Variants in CMTM5 observed in about 807,000 individuals in gnomAD.
CMTM5 encodes the protein CKLF-like MARVEL transmembrane domain-containing protein 5.
A neutral mutation model predicts 26.9 loss-of-function variants in CMTM5; 25 were observed. The observed-to-expected ratio is 0.93, with a 90% CI of 0.68 to 1.30. The LOEUF (loss-of-function observed/expected upper bound fraction) is 1.30. Ranked by LOEUF, CMTM5 falls within the 50% of genes most tolerant of loss-of-function variation. CMTM5 has a pLI of 0.00. For missense variants in CMTM5, 292 were observed against 289.6 expected, an observed-to-expected ratio of 1.01 and a Z score of -0.06; for synonymous variants, 98 against 115.5, an observed-to-expected ratio of 0.85 and a Z score of 0.97.
chr14:23,378,526 A>C lies in CMTM5; in HGVS notation c.279+25A>C, dbSNP rs1368606702. The C allele has an allele frequency of 8.7e-6, 14 of 1,613,796 alleles. No individual in the cohort carries two copies. Among genetic ancestry groups the C allele is most frequent in the Non-Finnish European group, 1.2e-5 (14 of 1,179,830 alleles). ...GGTGAGGAACCCTGACCCCTAGCCC[A>C]GTTTGGGGCCCTTCCCTCTCCTCTA... On this transcript the variant is annotated intron_variant, in intron 2 of 5. Coordinates refer to ENST00000339180, the MANE Select transcript of CMTM5 (RefSeq NM_001288746.2). The surrounding 1 kb of genome is among the most constrained non-coding windows in gnomAD (Gnocchi z 4.2).
At position 23,379,127 on chromosome 14, in the gene CMTM5, A is replaced by G; in HGVS notation, c.573+4A>G. ...CGGAGCTGCCATTGCTGCTTTTGTG[A>G]GTTCAGCCCTGCAGGACTCCTTAGC... is the stretch of plus-strand genomic sequence containing the variant. On this transcript the variant is annotated splice_donor_region_variant and intron_variant, in intron 4 of 5. Transcript: ENST00000339180. 1 of 1,613,462 alleles carries G rather than the reference A, an allele frequency of 6.2e-7. No individual in the cohort carries two copies.
rs373650585 is a variant in CMTM5, at chr14:23,379,138, G to A, written c.573+15G>A. 4.3e-6 allele frequency: 7 copies of A among 1,612,624 alleles called. No homozygotes were observed. The highest frequency in any genetic ancestry group is 5.1e-6 in the Non-Finnish European group (6 of 1,179,182). On this transcript the variant is annotated intron_variant, in intron 4 of 5. Coordinates refer to ENST00000339180, the MANE Select transcript of CMTM5 (RefSeq NM_001288746.2). ...TTGCTGCTTTTGTGAGTTCAGCCCTGCAGGACTCCTTAGCCCCTCAAGAGC... is the reference window on the plus strand; with the variant it reads ...TTGCTGCTTTTGTGAGTTCAGCCCTACAGGACTCCTTAGCCCCTCAAGAGC...
chr14:23,378,014 A>C lies in CMTM5; in HGVS notation c.127-335A>C. On this transcript the variant is annotated intron_variant, in intron 1 of 5. Coordinates refer to ENST00000339180, the MANE Select transcript of CMTM5 (RefSeq NM_001288746.2). This position sits in a 1 kb window ranked among gnomAD's most constrained non-coding sequence, Gnocchi z 4.2. ...AGGGGGCTCCTCTTGGTCCCTGTGG[A>C]GTCGGGTCTCTGTGGGCACAACTCC... is the stretch of plus-strand genomic sequence containing the variant. 1 of 291,866 alleles carries C rather than the reference A, an allele frequency of 3.4e-6. No homozygotes were observed. Among genetic ancestry groups the C allele is most frequent in the Non-Finnish European group, 6.3e-6 (1 of 157,606 alleles). The allele number at this position is 291,866 out of a possible 1,614,324, so 18.1% of individuals were successfully genotyped here.
At position 23,377,280 on chromosome 14, in the gene CMTM5, G is replaced by T. The variant is rs1357040521; in HGVS notation, c.29G>T (p.Arg10Leu). The change falls in exon 1 of 6, where the codon CGG becomes CTG. Residue 10 changes from arginine (R) to leucine (L), a missense_variant. By Grantham distance (102) the Arg-to-Leu change is moderately radical (BLOSUM62 -2). Coordinates refer to ENST00000339180, the MANE Select transcript of CMTM5 (RefSeq NM_001288746.2). This position sits in a 1 kb window ranked among gnomAD's most constrained non-coding sequence, Gnocchi z 4.6. MLSARDRRD[R>L]HPEEGVVAEL... ...CTCAGTGCTCGAGATCGCCGGGACCGGCACCCTGAGGAGGGGGTAGTTGCA... is the reference window on the plus strand; with the variant it reads ...CTCAGTGCTCGAGATCGCCGGGACCTGCACCCTGAGGAGGGGGTAGTTGCA... 1 of 1,612,210 alleles carries T rather than the reference G, an allele frequency of 6.2e-7. No homozygotes were observed. The highest frequency in any genetic ancestry group is 1.7e-5 in the Admixed American group (1 of 59,890).
At chr14:23,379,424 C>T (rs1167952634) in intron 5 of CMTM5, 41 bp downstream of exon 5, 1 of 1,614,008 alleles carries the variant, frequency 6.2e-7, no homozygotes, top group African/African-American at 1.3e-5. Flanking sequence ...GCCCTCCCCA[C>T]CCTAGCTACC....
In CMTM5 at chr14:23,378,690, G is replaced by A; in HGVS notation, c.301G>A (p.Gly101Arg). The change falls in exon 3 of 6, where the codon GGA (glycine) becomes AGA (arginine). Residue 101 changes from glycine (G) to arginine (R), a missense_variant. Transcript: ENST00000339180. The surrounding 1 kb of genome is among the most constrained non-coding windows in gnomAD (Gnocchi z 4.2). ...PCLLQGHGQS[G>R]GPHPLDLLSH... ...ACAGCTGCAGGGCCACGGGCAATCA[G>A]GAGGACCACATCCGCTAGATCTACT... 2 of 1,612,946 alleles carry A rather than the reference G, an allele frequency of 1.2e-6. No homozygotes were observed. Among genetic ancestry groups the A allele is most frequent in the Non-Finnish European group, 1.7e-6 (2 of 1,179,840 alleles).
Position 23,379,672 on chromosome 14 carries a change from T to A in CMTM5, c.*185T>A. ...TGGTGCTCCAGGATGTGGCTTCTCA[T>A]GAAGCTCTGGCCAGAGGAGGGGAAC... On this transcript the variant is annotated 3_prime_UTR_variant, in exon 6 of 6. Transcript: ENST00000339180. 3.5e-6 allele frequency: 5 copies of A among 1,418,436 alleles called. No homozygotes were observed. The highest frequency in any genetic ancestry group is 2.6e-5 in the East Asian group (1 of 38,238). The allele number at this position is 1,418,436 out of a possible 1,614,324, so 87.9% of individuals were successfully genotyped here.
upstream of CMTM5, chr14:23,376,867 C>A: frequency 4.8e-6 from 1 of 210,006 alleles, no homozygotes; most frequent in Admixed American, 5.5e-5. Context: ...CCCAGTCCTG[C>A]CCCTGTTCCT....
chr14:23,378,676 G>C lies in CMTM5; in HGVS notation c.287G>C (p.Gly96Ala), dbSNP rs759842800. Residue 96 changes from glycine to alanine, a missense_variant, in exon 3 of 6, where the codon GGC becomes GCC. By Grantham distance (60) the Gly-to-Ala change is moderately conservative (BLOSUM62 0). Coordinates refer to ENST00000339180, the MANE Select transcript of CMTM5 (RefSeq NM_001288746.2). This position sits in a 1 kb window ranked among gnomAD's most constrained non-coding sequence, Gnocchi z 4.2. ...DRINWPCLLQ[G>A]HGQSGGPHPL... Reference sequence around the variant, plus strand: ...CTCACACTGATTTCACAGCTGCAGGGCCACGGGCAATCAGGAGGACCACAT... The same window carrying C: ...CTCACACTGATTTCACAGCTGCAGGCCCACGGGCAATCAGGAGGACCACAT... The C allele has an allele frequency of 6.2e-7, 1 of 1,613,122 alleles. No individual in the cohort carries two copies. Among genetic ancestry groups the C allele is most frequent in the Non-Finnish European group, 8.5e-7 (1 of 1,179,846 alleles).
Position 23,378,975 on chromosome 14 carries a change from AG to A in CMTM5, c.481-53del. On this transcript the variant is annotated intron_variant, in intron 3 of 5. Coordinates refer to ENST00000339180, the MANE Select transcript of CMTM5 (RefSeq NM_001288746.2). This position sits in a 1 kb window ranked among gnomAD's most constrained non-coding sequence, Gnocchi z 4.2. ...GCTGCTGGCTAGCCTGGAAAACTTC[AG>A]GGTAACGCCCCCTGCCTTCTGAGGT... is the stretch of plus-strand genomic sequence containing the variant. 6.2e-7 allele frequency: 1 copy of A among 1,609,352 alleles called. No homozygotes were observed. Among genetic ancestry groups the A allele is most frequent in the South Asian group, 1.1e-5 (1 of 90,764 alleles).
chr14:23,378,291 AG>A lies in CMTM5; in HGVS notation c.127-57del. On this transcript the variant is annotated intron_variant, in intron 1 of 5. Transcript: ENST00000339180. The surrounding 1 kb of genome is among the most constrained non-coding windows in gnomAD (Gnocchi z 4.2). ...GGAGCTTCCAAGGAGGGGAAGGCAA[AG>A]CCCTGGCCCCTGCCTGTGTCCCCTT... The A allele has an allele frequency of 6.3e-7, 1 of 1,587,748 alleles. No individual in the cohort carries two copies. Among genetic ancestry groups the A allele is most frequent in the East Asian group, 2.2e-5 (1 of 44,704 alleles).
In CMTM5 at chr14:23,378,164, C is replaced by T. The variant is rs1478640176; in HGVS notation, c.127-185C>T. 3 of 663,932 alleles carry T rather than the reference C, an allele frequency of 4.5e-6. No homozygotes were observed. Among genetic ancestry groups the T allele is most frequent in the Non-Finnish European group, 7.6e-6 (3 of 396,342 alleles). The allele number at this position is 663,932 out of a possible 1,614,324, so 41.1% of individuals were successfully genotyped here. On this transcript the variant is annotated intron_variant, in intron 1 of 5. Coordinates refer to ENST00000339180, the MANE Select transcript of CMTM5 (RefSeq NM_001288746.2). The surrounding 1 kb of genome is among the most constrained non-coding windows in gnomAD (Gnocchi z 4.2). ...GTGGGAGGCCGGAGACTGCCCTTGACCGGCAAATGCCCTGCAACGGTGGCT... is the reference window on the plus strand; with the variant it reads ...GTGGGAGGCCGGAGACTGCCCTTGATCGGCAAATGCCCTGCAACGGTGGCT...
chr14:23,379,097 C>G lies in CMTM5; in HGVS notation c.547C>G (p.Arg183Gly). 1 of 1,613,970 alleles carries G rather than the reference C, an allele frequency of 6.2e-7. No homozygotes were observed. The highest frequency in any genetic ancestry group is 8.5e-7 in the Non-Finnish European group (1 of 1,179,942). The change falls in exon 4 of 6, where the codon CGG becomes GGG. Residue 183 changes from arginine (R) to glycine (G), a missense_variant. Physicochemically the swap from Arg to Gly is moderately radical, Grantham distance 125 (BLOSUM62 -2). Transcript: ENST00000339180. Reference protein sequence around the residue: ...LVVSFAAVTSRDGAAIAAFVF... With the variant: ...LVVSFAAVTSGDGAAIAAFVF... ...GGTCTCCTTTGCAGCTGTGACCTCC[C>G]GGGACGGAGCTGCCATTGCTGCTTT... is the stretch of plus-strand genomic sequence containing the variant.
In CMTM5 at chr14:23,379,645, C is replaced by A. The variant is rs1566501898; in HGVS notation, c.*158C>A. 10 of 1,477,358 alleles carry A rather than the reference C, an allele frequency of 6.8e-6. No individual in the cohort carries two copies. Among genetic ancestry groups the A allele is most frequent in the East Asian group, 5.0e-5 (2 of 39,972 alleles). The allele number at this position is 1,477,358 out of a possible 1,614,324, so 91.5% of individuals were successfully genotyped here. On this transcript the variant is annotated 3_prime_UTR_variant, in exon 6 of 6. Coordinates refer to ENST00000339180, the MANE Select transcript of CMTM5 (RefSeq NM_001288746.2). The stretch of plus-strand genomic sequence containing the variant: ...CGTCACTGGGGACTTATCTGTGGAG[C>A]CTGGTGCTCCAGGATGTGGCTTCTC...
Position 23,379,744 on chromosome 14 carries a change from C to A in CMTM5, c.*257C>A. 2.3e-6 allele frequency: 2 copies of A among 851,380 alleles called. No individual in the cohort carries two copies. The highest frequency in any genetic ancestry group is 2.7e-5 in the East Asian group (1 of 36,808). The allele number at this position is 851,380 out of a possible 1,614,324, so 52.7% of individuals were successfully genotyped here. A position where few individuals can be genotyped will look rare whatever the true frequency, so the allele number is the denominator to read the frequency against. On this transcript the variant is annotated 3_prime_UTR_variant, in exon 6 of 6. Transcript: ENST00000339180. Reference sequence around the variant, plus strand: ...AGGGGAGGAATCTGGACCTCTAAGTCATTCCCAAATTAAAATATTCAAATT... The same window carrying A: ...AGGGGAGGAATCTGGACCTCTAAGTAATTCCCAAATTAAAATATTCAAATT...
In CMTM5 at chr14:23,377,246, A is replaced by C; in HGVS notation, c.-6A>C. 1 of 1,611,636 alleles carries C rather than the reference A, an allele frequency of 6.2e-7. No homozygotes were observed. Among genetic ancestry groups the C allele is most frequent in the Non-Finnish European group, 8.5e-7 (1 of 1,179,284 alleles). ...GTAGGGGGCTGTGTTGGTGGGCCCT[A>C]CGAAGATGCTCAGTGCTCGAGATCG... On this transcript the variant is annotated 5_prime_UTR_variant, in exon 1 of 6. Coordinates refer to ENST00000339180, the MANE Select transcript of CMTM5 (RefSeq NM_001288746.2). The surrounding 1 kb of genome is among the most constrained non-coding windows in gnomAD (Gnocchi z 4.6).
In CMTM5 at chr14:23,378,637, A is replaced by G. The variant is rs748513060; in HGVS notation, c.280-32A>G. On this transcript the variant is annotated intron_variant, in intron 2 of 5. Coordinates refer to ENST00000339180, the MANE Select transcript of CMTM5 (RefSeq NM_001288746.2). The surrounding 1 kb of genome is among the most constrained non-coding windows in gnomAD (Gnocchi z 4.2). ...TGTCCCATGCTATGCCCTGCACTCA[A>G]AGGTGTGCTTTGACTCACACTGATT... 34 of 1,612,246 alleles carry G rather than the reference A, an allele frequency of 2.1e-5. No individual in the cohort carries two copies. The Admixed American group carries it at 5.2e-4, about 25-fold the overall frequency.
rs749612350 is a variant in CMTM5, at chr14:23,378,766, C to T, written c.377C>T (p.Pro126Leu). ...QPQPWPGLTP[P>L]GWHTPAAVPW... ...CAGCCCTGGCCTGGCTTGACCCCCCCGGGCTGGCATACTCCAGCCGCTGTC... is the reference window on the plus strand; with the variant it reads ...CAGCCCTGGCCTGGCTTGACCCCCCTGGGCTGGCATACTCCAGCCGCTGTC... The change falls in exon 3 of 6, where the codon CCG (proline) becomes CTG (leucine). Residue 126 changes from proline (P) to leucine (L), a missense_variant. By Grantham distance (98) the Pro-to-Leu change is moderately conservative. Transcript: ENST00000339180. This position sits in a 1 kb window ranked among gnomAD's most constrained non-coding sequence, Gnocchi z 4.2. 18 of 1,612,478 alleles carry T rather than the reference C, an allele frequency of 1.1e-5. No homozygotes were observed. Among genetic ancestry groups the T allele is most frequent in the East Asian group, 4.5e-5 (2 of 44,874 alleles).
In CMTM5 at chr14:23,377,506, G is replaced by T. The variant is rs1031580773; in HGVS notation, c.126+129G>T. On this transcript the variant is annotated intron_variant, in intron 1 of 5. Coordinates refer to ENST00000339180, the MANE Select transcript of CMTM5 (RefSeq NM_001288746.2). The surrounding 1 kb of genome is among the most constrained non-coding windows in gnomAD (Gnocchi z 4.6). The stretch of plus-strand genomic sequence containing the variant: ...AGCCCTCTGGACACCTCTCCTGCCC[G>T]CAGCTGCCCCTTCTTCGTCTCCTAC... 2.9e-6 allele frequency: 3 copies of T among 1,033,132 alleles called. No homozygotes were observed. Among genetic ancestry groups the T allele is most frequent in the Non-Finnish European group, 4.0e-6 (3 of 755,384 alleles). The allele number at this position is 1,033,132 out of a possible 1,614,324, so 64.0% of individuals were successfully genotyped here.
Sources: allele counts gnomAD v4.1 joint callset, GRCh38; gene constraint gnomAD v4.1.1; non-coding constraint Gnocchi (gnomAD v3.1); transcripts MANE v1.5; gene names NCBI Gene and HGNC (gene_info 2026-07-23, HGNC 2026-07-21).